The following WBP2NL variants were observed in gnomAD, a reference collection of about 807,000 sequenced individuals.
The protein encoded by WBP2NL is postacrosomal sheath WW domain-binding protein.
Under a neutral mutation model 23.3 loss-of-function variants are expected in WBP2NL, and 27 were observed. That is an observed-to-expected ratio of 1.16 (90% CI 0.85 to 1.60). The LOEUF (loss-of-function observed/expected upper bound fraction) is 1.60, where lower values mean the gene tolerates loss of function less well. Ranked by LOEUF, WBP2NL falls within the 40% of genes most tolerant of loss-of-function variation. WBP2NL has a pLI of 0.00. For synonymous variants in WBP2NL, 151 were observed against 145.9 expected (o/e 1.03, Z -0.25); for missense variants, 370 against 389.5 (o/e 0.95, Z 0.42).
At chr22:42,054,910 A>G (rs1925976680) in intron 8 of WBP2NL, among the ~76,000 whole-genome samples, 2 of 152,188 alleles carry the variant, frequency 1.3e-5, no homozygotes, top group East Asian at 3.9e-4. Flanking sequence ...AAAATCAATT[A>G]GCTATAGATG....
chr22:42,013,333 C>T (rs1377342175), intron 1 of WBP2NL, among the ~76,000 whole-genome samples: 1 of 151,028 alleles, frequency 6.6e-6, no homozygotes, highest in Non-Finnish European at 1.5e-5. Flanking sequence ...TTGTGGTGAG[C>T]CAAGATTGTG....
chr22:42,022,826 C>T (rs1924098222), intron 5 of WBP2NL, among the ~76,000 whole-genome samples: 1 of 152,216 alleles, frequency 6.6e-6, no homozygotes, highest in African/African-American at 2.4e-5. Context: ...CCACTGCCTA[C>T]TGGTGGGCCA....
chr22:41,999,969 G>A (rs539154302), intron 1 of WBP2NL, among the ~76,000 whole-genome samples: 53 of 152,164 alleles, frequency 3.5e-4, no homozygotes, highest in Admixed American at 4.6e-4. Flanking sequence ...ACTCCACTGC[G>A]CTCACCTCTT....
At chr22:42,022,492 A>G in intron 5 of WBP2NL, 136 bp downstream of exon 5, 1 of 781,626 alleles carries the variant, frequency 1.3e-6, no homozygotes, top group African/African-American at 1.8e-5. Context: ...CACATCTGTG[A>G]CTTTGTTTCC....
Position 42,026,916 on chromosome 22 carries a change from T to G in WBP2NL, c.665T>G (p.Leu222Arg). The stretch of plus-strand genomic sequence containing the variant: ...CCTGTGCGATATGGAGCCCCACCTC[T>G]TGGATACGGAGCCCCACCTGCAGGA... ...ASPVRYGAPP[L>R]GYGAPPAGYG... is the part of the protein sequence containing the mutation. Residue 222 changes from leucine to arginine, a missense_variant, in exon 6 of 6, where the codon CTT (leucine) becomes CGT (arginine). Coordinates refer to ENST00000328823, the MANE Select transcript of WBP2NL (RefSeq NM_152613.3). 6.2e-7 allele frequency: 1 copy of G among 1,606,694 alleles called. No homozygotes were observed. Among genetic ancestry groups the G allele is most frequent in the Non-Finnish European group, 8.5e-7 (1 of 1,178,064 alleles).
intron 8 of WBP2NL, among the ~76,000 whole-genome samples, chr22:42,048,897 G>A (rs1379124104): frequency 6.6e-6 from 1 of 152,158 alleles, no homozygotes; most frequent in African/African-American, 2.4e-5. Flanking sequence ...CAAATGAGAT[G>A]CTTTCTTGCT....
At chr22:42,045,440 A>C (rs1925551806) in intron 8 of WBP2NL, among the ~76,000 whole-genome samples, 1 of 152,162 alleles carries the variant, frequency 6.6e-6, no homozygotes, top group Admixed American at 6.5e-5. Context: ...AAACAAAACA[A>C]AAAACAAAAC....
Position 42,027,058 on chromosome 22 carries a change from G to A in WBP2NL, c.807G>A (p.Pro269=), listed in dbSNP as rs1266718520. 9 of 1,614,022 alleles carry A rather than the reference G, an allele frequency of 5.6e-6. No homozygotes were observed. Among genetic ancestry groups the A allele is most frequent in the East Asian group, 2.2e-5 (1 of 44,904 alleles). Residue 269 remains proline (P), a synonymous_variant, in exon 6 of 6, where the codon CCG becomes CCA. Coordinates refer to ENST00000328823, the MANE Select transcript of WBP2NL (RefSeq NM_152613.3). The stretch of plus-strand genomic sequence containing the variant: ...CCCCACCTGCAGGAAATGAAGGCCC[G>A]CCTGCGGGATACAGAGCCTCACCTG... ...YGAPPAGNEG[P]PAGYRASPAG...
In WBP2NL at chr22:42,026,881, C is replaced by G. The variant is rs1380493429; in HGVS notation, c.630C>G (p.Tyr210Ter). Residue 210 changes from tyrosine to a stop codon, truncating the protein, a stop_gained, in exon 6 of 6, where the codon TAC becomes TAG. Coordinates refer to ENST00000328823, the MANE Select transcript of WBP2NL (RefSeq NM_152613.3). LOFTEE classifies it low-confidence loss of function (END_TRUNC). ...PVGNEGPPVG[Y>*]RASPVRYGAP... ...GAAATGAAGGCCCGCCTGTGGGATA[C>G]AGAGCCTCACCTGTGCGATATGGAG... The G allele has an allele frequency of 6.2e-7, 1 of 1,612,036 alleles. No individual in the cohort carries two copies.
intron 1 of WBP2NL, among the ~76,000 whole-genome samples, chr22:41,999,163 G>A (rs1921277087): frequency 6.6e-6 from 1 of 152,128 alleles, no homozygotes; most frequent in Non-Finnish European, 1.5e-5. Context: ...AGGGCGGGGC[G>A]GGGAGGGGGT....
chr22:42,029,081 C>G (rs17002810), downstream of WBP2NL, among the ~76,000 whole-genome samples: 1 of 152,126 alleles, frequency 6.6e-6, no homozygotes, highest in Non-Finnish European at 1.5e-5. Flanking sequence ...TCTGGCAAGG[C>G]AGGCAAAGTT....
Position 42,022,002 on chromosome 22 carries a change from G to A in WBP2NL, c.407-247G>A, listed in dbSNP as rs138484450. On this transcript the variant is annotated intron_variant, in intron 4 of 5. Transcript: ENST00000328823. ...TTTTGTAGAGATAGGGTCTTGCCAT[G>A]TTGCCCAGGCTGGTCTTGAACTCCT... Among the ~76,000 whole-genome samples, 649 of 152,040 alleles carry A rather than the reference G, an allele frequency of 4.3e-3. 6 individuals carry two copies. The highest frequency in any genetic ancestry group is 0.015 in the African/African-American group (626 of 41,476).
At chr22:42,050,911 C>T (rs1311059456) in intron 8 of WBP2NL, among the ~76,000 whole-genome samples, 1 of 152,146 alleles carries the variant, frequency 6.6e-6, no homozygotes, top group Non-Finnish European at 1.5e-5. Flanking sequence ...CAAAATGGTA[C>T]ACTTTAGTAA....
intron 1 of WBP2NL, among the ~76,000 whole-genome samples, chr22:42,014,072 G>A (rs536928429): frequency 4.6e-5 from 7 of 152,034 alleles, no homozygotes; most frequent in South Asian, 4.2e-4. Context: ...ATGAGCCACC[G>A]CACCCCACCG....
At chr22:42,026,273 A>AAATAATAATAAT (rs3045492) in intron 5 of WBP2NL, among the ~76,000 whole-genome samples, 2 of 140,322 alleles carry the variant, frequency 1.4e-5, no homozygotes, top group African/African-American at 2.6e-5. Flanking sequence ...CCCCCTCTCA[A>AAATAATAATAAT]AATAATAATA....
At chr22:42,020,131 G>A (rs781637318) in intron 4 of WBP2NL, 35 bp downstream of exon 4, 4 of 1,574,866 alleles carry the variant, frequency 2.5e-6, no homozygotes, top group South Asian at 1.2e-5. Flanking sequence ...AAGCACTTTG[G>A]GGTTTTTTGT....
intron 8 of WBP2NL, among the ~76,000 whole-genome samples, chr22:42,040,132 C>T (rs1925347506): frequency 6.6e-6 from 1 of 151,734 alleles, no homozygotes. Context: ...AGGCTGGTTT[C>T]GAACTCTTGA....
chr22:42,052,694 A>C (rs551457244), intron 8 of WBP2NL, among the ~76,000 whole-genome samples: 6 of 152,316 alleles, frequency 3.9e-5, no homozygotes, highest in African/African-American at 1.2e-4. Flanking sequence ...CTATTTTTCC[A>C]ATGTGTCTTT....
At chr22:42,011,127 C>T (rs1922772622) in intron 1 of WBP2NL, among the ~76,000 whole-genome samples, 1 of 152,204 alleles carries the variant, frequency 6.6e-6, no homozygotes, top group Admixed American at 6.5e-5. Context: ...GCTTCGGTAT[C>T]AGGGTAATGC....
Sources: allele counts gnomAD v4.1 joint callset (sites outside exome capture counted in the v4.1 genomes callset), GRCh38; gene constraint gnomAD v4.1.1; transcripts MANE v1.5; gene names NCBI Gene and HGNC (gene_info 2026-07-23, HGNC 2026-07-21).